Variants in CMTM7 observed in about 807,000 individuals in gnomAD.
CMTM7 encodes the protein CKLF like MARVEL transmembrane domain containing 7, also known as CKLF-like MARVEL transmembrane domain-containing protein 7.
CMTM7 carries 7 observed loss-of-function variants against 19.3 expected under a neutral mutation model. The ratio of observed to expected loss-of-function variants is 0.36; its 90% CI spans 0.21 to 0.68. The LOEUF is 0.68. Ranked by LOEUF, CMTM7 falls within the 30% of genes least tolerant of loss-of-function variation. The pLI, the probability that CMTM7 is intolerant of heterozygous loss-of-function variation, is 0.60. For synonymous variants in CMTM7, 87 were observed against 99.3 expected (o/e 0.88, Z 0.74); for missense variants, 193 against 232.6 (o/e 0.83, Z 1.11).
At chr3:32,428,056 G>A (rs536970178) in intron 1 of CMTM7, among the ~76,000 whole-genome samples, 14 of 152,216 alleles carry the variant, frequency 9.2e-5, no homozygotes, top group Non-Finnish European at 2.1e-4. Context: ...GGCCCATGAA[G>A]TGATGGGTAA....
intron 1 of CMTM7, among the ~76,000 whole-genome samples, chr3:32,409,850 TTAG>T (rs1696146838): frequency 6.6e-6 from 1 of 151,014 alleles, no homozygotes; most frequent in Admixed American, 6.6e-5. Context: ...AAGTTAATAG[TTAG>T]TAGTTCAAGT....
intron 1 of CMTM7, among the ~76,000 whole-genome samples, chr3:32,400,652 A>G (rs543938243): frequency 6.6e-6 from 1 of 152,208 alleles, no homozygotes; most frequent in Admixed American, 6.5e-5. Context: ...CGGCCTCCCA[A>G]AGTGCTGGGA....
chr3:32,422,735 G>C (rs1264625221), intron 1 of CMTM7, among the ~76,000 whole-genome samples: 4 of 152,228 alleles, frequency 2.6e-5, no homozygotes, highest in African/African-American at 4.8e-5. Flanking sequence ...TCCATTGCAA[G>C]TTGAAAGTAC....
intron 2 of CMTM7, 120 bp downstream of exon 2, chr3:32,442,133 C>G: frequency 1.1e-6 from 1 of 884,096 alleles, no homozygotes; most frequent in Non-Finnish European, 1.8e-6. Flanking sequence ...TTCTTTGCTG[C>G]CTCTGCCCTG....
chr3:32,451,466 G>T (rs562998826), intron 3 of CMTM7: 1 of 152,596 alleles, frequency 6.6e-6, no homozygotes, highest in African/African-American at 2.4e-5. Context: ...ACAGATGACC[G>T]CCTGTACCTC....
Position 32,450,358 on chromosome 3 carries a change from C to T in CMTM7, c.432+806C>T, listed in dbSNP as rs77393717. On this transcript the variant is annotated intron_variant, in intron 3 of 4. Transcript: ENST00000334983. Reference sequence around the variant, plus strand: ...GCAGGAATGCTTGTGCCCAGGAGTTCGGTCTGGCCTGGGCAACGTACTGAG... The same window carrying T: ...GCAGGAATGCTTGTGCCCAGGAGTTTGGTCTGGCCTGGGCAACGTACTGAG... Among the ~76,000 whole-genome samples the T allele has an allele frequency of 3.2e-4, 48 of 152,172 alleles. 1 individual carries two copies. Among genetic ancestry groups the T allele is most frequent in the Non-Finnish European group, 5.1e-4 (35 of 68,006 alleles).
At chr3:32,425,784 G>A (rs1420283423) in intron 1 of CMTM7, among the ~76,000 whole-genome samples, 1 of 152,108 alleles carries the variant, frequency 6.6e-6, no homozygotes, top group African/African-American at 2.4e-5. Context: ...AATTAGGTTG[G>A]GTGTGTAATT....
chr3:32,404,142 C>CTTTTTTTTCTTTTTTTTTTTTTTTT lies in CMTM7; in HGVS notation c.159+12085_159+12086insCTTTTTTTTTTTTTTTTTTTTTTTT, dbSNP rs1559401304. Among the ~76,000 whole-genome samples the CTTTTTTTTCTTTTTTTTTTTTTTTT allele has an allele frequency of 2.4e-4, 26 of 109,232 alleles. 3 individuals are homozygous for CTTTTTTTTCTTTTTTTTTTTTTTTT. Among genetic ancestry groups the CTTTTTTTTCTTTTTTTTTTTTTTTT allele is most frequent in the African/African-American group, 4.2e-4 (10 of 23,554 alleles). The allele number at this position is 109,232 out of a possible 152,430, so 71.7% of individuals were successfully genotyped here. A position where few individuals can be genotyped will look rare whatever the true frequency, so the allele number is the denominator to read the frequency against. On this transcript the variant is annotated intron_variant, in intron 1 of 4. Coordinates refer to ENST00000334983, the MANE Select transcript of CMTM7 (RefSeq NM_138410.4). ...CCTTTGTTTAATCTTTTCTTTCTTTCTTTTTTTTTCTTTTTTTTTCTTTTT... is the reference window on the plus strand; with the variant it reads ...CCTTTGTTTAATCTTTTCTTTCTTTCTTTTTTTTCTTTTTTTTTTTTTTTTTTTTTTTTTCTTTTTTTTTCTTTTT...
intron 2 of CMTM7, among the ~76,000 whole-genome samples, chr3:32,444,856 T>C (rs1333067758): frequency 6.6e-6 from 1 of 152,208 alleles, no homozygotes; most frequent in Admixed American, 6.5e-5. Flanking sequence ...GCTCAAGCAA[T>C]CCTCTTGCCT....
At chr3:32,404,570 T>G (rs992185410) in intron 1 of CMTM7, among the ~76,000 whole-genome samples, 4 of 152,200 alleles carry the variant, frequency 2.6e-5, no homozygotes, top group African/African-American at 7.2e-5. Flanking sequence ...GTTGAATACA[T>G]CTGTTAAGTT....
intron 1 of CMTM7, among the ~76,000 whole-genome samples, chr3:32,434,601 CTTTTCTTTTTT>C (rs1218276085): frequency 8.2e-3 from 238 of 28,982 alleles, no homozygotes; most frequent in Non-Finnish European, 0.016. Flanking sequence ...TGCCTCTTTT[CTTTTCTTTTTT>C]TTTTTTTTTT....
intron 1 of CMTM7, among the ~76,000 whole-genome samples, chr3:32,403,691 G>C (rs1276926509): frequency 6.6e-6 from 1 of 152,102 alleles, no homozygotes; most frequent in Non-Finnish European, 1.5e-5. Flanking sequence ...GGACAATTTG[G>C]GGTCTTTTTT....
intron 1 of CMTM7, among the ~76,000 whole-genome samples, chr3:32,438,950 T>TC (rs1287010671): frequency 6.6e-6 from 1 of 152,206 alleles, no homozygotes; most frequent in Non-Finnish European, 1.5e-5. Context: ...TACCTAGGAA[T>TC]CACGCTGCAT....
At chr3:32,401,543 G>A (rs1390703525) in intron 1 of CMTM7, among the ~76,000 whole-genome samples, 2 of 152,236 alleles carry the variant, frequency 1.3e-5, no homozygotes, top group East Asian at 3.8e-4. Flanking sequence ...GTGGGCCGGT[G>A]TATTTATTTA....
chr3:32,452,090 C>T (rs1696840837), intron 3 of CMTM7: 4 of 1,410,286 alleles, frequency 2.8e-6, no homozygotes, highest in African/African-American at 2.9e-5. Flanking sequence ...ATTGGCTTAG[C>T]CCCAGCTTGC....
chr3:32,424,421 C>T (rs1478846114), intron 1 of CMTM7, among the ~76,000 whole-genome samples: 1 of 152,202 alleles, frequency 6.6e-6, no homozygotes, highest in African/African-American at 2.4e-5. Flanking sequence ...ACAGATTATA[C>T]TTCCTGATGG....
At chr3:32,452,890 A>G (rs1696857400) in intron 4 of CMTM7, among the ~76,000 whole-genome samples, 1 of 137,700 alleles carries the variant, frequency 7.3e-6, no homozygotes, top group Admixed American at 7.5e-5. Flanking sequence ...ACCTGGGACT[A>G]CAGGTGTGCA....
chr3:32,431,158 C>G (rs764794061), intron 1 of CMTM7, among the ~76,000 whole-genome samples: 7 of 152,062 alleles, frequency 4.6e-5, no homozygotes, highest in Non-Finnish European at 7.4e-5. Flanking sequence ...GTGGCACCTA[C>G]AAATGAGAAA....
At chr3:32,434,998 T>C (rs953182048) in intron 1 of CMTM7, among the ~76,000 whole-genome samples, 2 of 152,238 alleles carry the variant, frequency 1.3e-5, no homozygotes, top group Non-Finnish European at 2.9e-5. Flanking sequence ...CAAGATTCCC[T>C]GTGGAGGGAG....
Sources: allele counts gnomAD v4.1 joint callset (sites outside exome capture counted in the v4.1 genomes callset), GRCh38; gene constraint gnomAD v4.1.1; transcripts MANE v1.5; gene names NCBI Gene and HGNC (gene_info 2026-07-23, HGNC 2026-07-21).